ZBBX: variants seen among roughly 807,000 people sequenced by gnomAD.
ZBBX encodes the protein zinc finger B-box domain containing.
A neutral mutation model predicts 108.5 loss-of-function variants in ZBBX; 101 were observed. The ratio of observed to expected loss-of-function variants is 0.93; its 90% CI spans 0.79 to 1.10. The LOEUF (loss-of-function observed/expected upper bound fraction) is 1.10. Among genes scored for constraint, ZBBX ranks in the 50% least tolerant of loss-of-function variants. The pLI is 0.00. For synonymous variants in ZBBX, 356 were observed against 323.4 expected (o/e 1.10, Z -1.08); for missense variants, 1,009 against 941.4 (o/e 1.07, Z -0.94).
intron 8 of ZBBX, 66 bp downstream of exon 8, chr3:167,359,804 T>G (rs868725389): frequency 3.9e-6 from 3 of 763,098 alleles, no homozygotes; most frequent in Middle Eastern, 5.9e-4. Context: ...CATGTGAAAG[T>G]TCTATTCTAA....
intron 18 of ZBBX, among the ~76,000 whole-genome samples, chr3:167,290,321 T>G (rs1730461291): frequency 6.6e-6 from 1 of 152,118 alleles, no homozygotes; most frequent in Admixed American, 6.5e-5. Flanking sequence ...TGGCATCTGG[T>G]GGGTGCCTCA....
At chr3:167,399,080 C>A (rs372590473) in intron 1 of ZBBX, among the ~76,000 whole-genome samples, 2 of 150,570 alleles carry the variant, frequency 1.3e-5, no homozygotes, top group East Asian at 1.9e-4. Flanking sequence ...AGGCTCTCAC[C>A]GGATGCAGAC....
chr3:167,400,793 G>T lies in ZBBX; in HGVS notation c.-446+6933C>A, dbSNP rs181494263. On this transcript the variant is annotated intron_variant, in intron 1 of 21. Coordinates refer to the ZBBX transcript ENST00000455345. ...GATGAACATTGATTGGTCCAGAAAAGCGGGCCAACTCCAAGCAGGGAAGGG... is the reference window on the plus strand; with the variant it reads ...GATGAACATTGATTGGTCCAGAAAATCGGGCCAACTCCAAGCAGGGAAGGG... Among the ~76,000 whole-genome samples, 116 of 152,130 alleles carry T rather than the reference G, an allele frequency of 7.6e-4. 1 individual carries two copies. Among genetic ancestry groups the T allele is most frequent in the Middle Eastern group, 3.4e-3 (1 of 294 alleles).
intron 5 of ZBBX, 66 bp downstream of exon 5, chr3:167,368,395 G>A (rs1745660984): frequency 9.0e-7 from 1 of 1,111,352 alleles, no homozygotes; most frequent in South Asian, 1.3e-5. Context: ...AATGACAACA[G>A]TATATAAAAT....
At chr3:167,194,313 A>T in the ZBBX span, among the ~76,000 whole-genome samples, 1 of 151,496 alleles carries the variant, frequency 6.6e-6, no homozygotes, top group South Asian at 2.1e-4. Flanking sequence ...GTTTACTTGC[A>T]TCTCCCCTTG....
downstream of ZBBX, among the ~76,000 whole-genome samples, chr3:167,238,763 T>C (rs181418817): frequency 5.7e-4 from 87 of 152,218 alleles, no homozygotes; most frequent in Admixed American, 1.0e-3. Context: ...TATCATCCCA[T>C]GTTTTCTCCT....
chr3:167,319,981 T>A (rs1736144229), intron 12 of ZBBX, among the ~76,000 whole-genome samples: 1 of 151,358 alleles, frequency 6.6e-6, no homozygotes, highest in East Asian at 1.9e-4. Context: ...CAGAAAAAAA[T>A]TTATATGTGT....
intron 19 of ZBBX, among the ~76,000 whole-genome samples, chr3:167,287,280 T>G (rs1305707361): frequency 6.6e-6 from 1 of 152,156 alleles, no homozygotes; most frequent in East Asian, 1.9e-4. Flanking sequence ...TCAAAAAATT[T>G]ATAGCACTTT....
chr3:167,331,046 C>T (rs1007547931), intron 10 of ZBBX, among the ~76,000 whole-genome samples: 3 of 149,788 alleles, frequency 2.0e-5, no homozygotes, highest in Non-Finnish European at 4.5e-5. Context: ...ATCTAAAAGC[C>T]AGGAAGTAAA....
In ZBBX at chr3:167,305,909, C is replaced by T. The variant is rs1433485236; in HGVS notation, c.1459G>A (p.Asp487Asn). 1 of 1,591,220 alleles carries T rather than the reference C, an allele frequency of 6.3e-7. No homozygotes were observed. Among genetic ancestry groups the T allele is most frequent in the African/African-American group, 1.4e-5 (1 of 73,882 alleles). ...TTTTCAATGTCAGAAGAATACACAT[C>T]AGGATCCACGATGTTGTCAAAATCT... ...NTDFDNIVDP[D>N]VYSSDIEKIE... The change falls in exon 17 of 22, where the codon GAT (aspartate) becomes AAT (asparagine). Residue 487 changes from aspartate (D) to asparagine (N), a missense_variant. By Grantham distance (23) the Asp-to-Asn change is conservative. Transcript: ENST00000675490.
chr3:167,277,096 G>A (rs368448754), intron 20 of ZBBX, among the ~76,000 whole-genome samples: 66 of 151,854 alleles, frequency 4.3e-4, no homozygotes, highest in East Asian at 4.1e-3. Context: ...TGAAGGAAGC[G>A]CTAAACATGG....
At chr3:167,318,634 CCA>C (rs1179796219) in intron 12 of ZBBX, among the ~76,000 whole-genome samples, 2 of 151,870 alleles carry the variant, frequency 1.3e-5, no homozygotes, top group African/African-American at 4.8e-5. Context: ...CATTTATATG[CCA>C]ATTGTTAATT....
At chr3:167,312,940 T>C (rs1308591678) in intron 16 of ZBBX, among the ~76,000 whole-genome samples, 1 of 152,174 alleles carries the variant, frequency 6.6e-6, no homozygotes, top group African/African-American at 2.4e-5. Flanking sequence ...AAAAATCTAA[T>C]CTTCACATAC....
At chr3:167,242,409 G>C in intron 21 of ZBBX, 96 bp downstream of exon 21, 3 of 1,079,920 alleles carry the variant, frequency 2.8e-6, no homozygotes, top group South Asian at 3.7e-5. Context: ...ATACACATGA[G>C]GACAATCTTT....
chr3:167,181,604 CT>C, the ZBBX span, among the ~76,000 whole-genome samples: 57 of 152,250 alleles, frequency 3.7e-4, no homozygotes, highest in Non-Finnish European at 6.6e-4. Context: ...CAATAAGCTG[CT>C]TTGCCTTATT....
At chr3:167,221,652 G>A in the ZBBX span, among the ~76,000 whole-genome samples, 7 of 151,806 alleles carry the variant, frequency 4.6e-5, no homozygotes, top group South Asian at 1.2e-3. Context: ...GCAATGAAAG[G>A]AAAAATTGAC....
the ZBBX span, among the ~76,000 whole-genome samples, chr3:167,194,225 A>G: frequency 1.2e-4 from 10 of 83,778 alleles, no homozygotes; most frequent in South Asian, 3.9e-3. Flanking sequence ...CTAAATATGT[A>G]CTAAATATAT....
chr3:167,368,787 GT>G, intron 4 of ZBBX: 1 of 1,171,620 alleles, frequency 8.5e-7, no homozygotes, highest in Non-Finnish European at 1.1e-6. Flanking sequence ...TTAGACTTTT[GT>G]TTTAATTATT....
rs190237810 is a variant in ZBBX at position 167,358,437 on chromosome 3, A to T, written c.432+1433T>A. On this transcript the variant is annotated intron_variant, in intron 8 of 21. Transcript: ENST00000675490. Reference sequence around the variant, plus strand: ...AGTTTCAGTTTTGCAAGATGAAAACAGTTCTGTGAATGAAGCATAGCAATG... The same window carrying T: ...AGTTTCAGTTTTGCAAGATGAAAACTGTTCTGTGAATGAAGCATAGCAATG... 2.2e-4 allele frequency among the ~76,000 whole-genome samples: 34 copies of T among 152,244 alleles called. 2 individuals are homozygous for T. Among genetic ancestry groups the T allele is most frequent in the African/African-American group, 7.0e-4 (29 of 41,542 alleles).
Sources: allele counts gnomAD v4.1 joint callset (sites outside exome capture counted in the v4.1 genomes callset), GRCh38; gene constraint gnomAD v4.1.1; transcripts MANE v1.5; gene names NCBI Gene and HGNC (gene_info 2026-07-23, HGNC 2026-07-21).